BTRC: variants seen among roughly 807,000 people sequenced by gnomAD.
BTRC encodes the protein F-box/WD repeat-containing protein 1A.
In BTRC, 42 loss-of-function variants were observed where a neutral mutation model predicts 85.5. The ratio of observed to expected loss-of-function variants is 0.49; its 90% CI spans 0.38 to 0.64. The LOEUF is 0.64. BTRC is among the 30% of genes least tolerant of loss of function. The probability of loss-of-function intolerance (pLI) is 0.00; values close to 1 mark genes in which losing one functional copy is unlikely to be tolerated. For synonymous variants in BTRC, 255 were observed against 263.3 expected (o/e 0.97, Z 0.30); for missense variants, 594 against 743.5 (o/e 0.80, Z 2.34).
At chr10:101,362,212 C>T (rs1241168424) in intron 1 of BTRC, among the ~76,000 whole-genome samples, 2 of 152,104 alleles carry the variant, frequency 1.3e-5, no homozygotes, top group Admixed American at 6.6e-5. Flanking sequence ...CCGCCTTGGC[C>T]TCCCAAAGTG....
At chr10:101,370,361 G>C (rs1942597416) in intron 1 of BTRC, among the ~76,000 whole-genome samples, 1 of 151,966 alleles carries the variant, frequency 6.6e-6, no homozygotes, top group South Asian at 2.1e-4. Flanking sequence ...TGATCCTCTG[G>C]CCTCGGCCTC....
chr10:101,522,377 CAAAAAAAAAA>C (rs377683037), intron 5 of BTRC, among the ~76,000 whole-genome samples: 30 of 49,332 alleles, frequency 6.1e-4, no homozygotes, highest in African/African-American at 1.8e-3. Flanking sequence ...CAAAAAAAAA[CAAAAAAAAAA>C]AAACTCTAGA....
intron 2 of BTRC, chr10:101,453,683 A>G (rs1278324302): frequency 6.6e-6 from 1 of 152,216 alleles, no homozygotes; most frequent in African/African-American, 2.4e-5. Context: ...GATAACTGAA[A>G]ATAGTAAATA....
chr10:101,371,910 A>G (rs545928941), intron 1 of BTRC, among the ~76,000 whole-genome samples: 2 of 152,136 alleles, frequency 1.3e-5, no homozygotes, highest in Non-Finnish European at 2.9e-5. Context: ...CTCACACATG[A>G]GGCTGAAAAC....
intron 4 of BTRC, among the ~76,000 whole-genome samples, chr10:101,494,838 C>T (rs913830037): frequency 3.3e-5 from 5 of 152,198 alleles, no homozygotes; most frequent in African/African-American, 4.8e-5. Context: ...TACAGCATCA[C>T]ATCTAAATTA....
chr10:101,531,302 C>A lies in BTRC; in HGVS notation c.809C>A (p.Ala270Glu), dbSNP rs1211003916. 1 of 1,610,204 alleles carries A rather than the reference C, an allele frequency of 6.2e-7. No individual in the cohort carries two copies. Among genetic ancestry groups the A allele is most frequent in the Non-Finnish European group, 8.5e-7 (1 of 1,176,554 alleles). ...GCTCCTCCCAACTCTTTTTATAGAG[C>A]ACTTTATCCTAAAATTATACAAGAC... ...GNAPPNSFYRALYPKIIQDIE... is the reference protein window; with the variant it reads ...GNAPPNSFYRELYPKIIQDIE... The change falls in exon 7 of 15, where the codon GCA becomes GAA. Residue 270 changes from alanine (A) to glutamate (E), a missense_variant. By Grantham distance (107) the Ala-to-Glu change is moderately radical (BLOSUM62 -1). Around this residue, in one of 4 missense-constraint regions of BTRC, gnomAD observed 373 missense variants for 503.6 expected, o/e 0.74. Transcript: ENST00000370187.
chr10:101,513,374 G>C (rs1028398009), intron 4 of BTRC, among the ~76,000 whole-genome samples: 1 of 152,060 alleles, frequency 6.6e-6, no homozygotes, highest in African/African-American at 2.4e-5. Context: ...GGCAACTGGC[G>C]TAACAATCAA....
intron 3 of BTRC, among the ~76,000 whole-genome samples, chr10:101,464,998 T>C (rs1409616401): frequency 6.6e-6 from 1 of 152,158 alleles, no homozygotes; most frequent in East Asian, 1.9e-4. Context: ...ATTACCCCAT[T>C]GCTGATTTTT....
In BTRC at chr10:101,521,869, A is replaced by C. The variant is rs746388633; in HGVS notation, c.555A>C (p.Pro185=). Residue 185 remains proline, a splice_region_variant and synonymous_variant, in exon 5 of 15, where the codon CCA becomes CCC. Coordinates refer to ENST00000370187, the MANE Select transcript of BTRC (RefSeq NM_033637.4). ...MLQRDFITAL[P]ARGLDHIAEN... is the part of the protein sequence containing the mutation. The stretch of plus-strand genomic sequence containing the variant: ...AGAGAGATTTCATAACTGCTCTGCC[A>C]GGTATGTCTACAAGTGTTTGTAAAC... 6.2e-7 allele frequency: 1 copy of C among 1,601,950 alleles called. No individual in the cohort carries two copies. The highest frequency in any genetic ancestry group is 8.6e-7 in the Non-Finnish European group (1 of 1,168,966).
intron 1 of BTRC, among the ~76,000 whole-genome samples, chr10:101,404,223 G>T (rs1275475769): frequency 6.7e-6 from 1 of 149,720 alleles, no homozygotes; most frequent in Non-Finnish European, 1.5e-5. Flanking sequence ...GTAGAGACGG[G>T]GTTTCACCGT....
intron 1 of BTRC, among the ~76,000 whole-genome samples, chr10:101,429,708 A>C (rs1589456015): frequency 7.5e-6 from 1 of 133,614 alleles, no homozygotes; most frequent in Non-Finnish European, 1.6e-5. Flanking sequence ...CCCCCCACAG[A>C]CCCCAATCCA....
At chr10:101,546,253 G>A (rs1454347479) in intron 13 of BTRC, among the ~76,000 whole-genome samples, 1 of 152,106 alleles carries the variant, frequency 6.6e-6, no homozygotes, top group Non-Finnish European at 1.5e-5. Context: ...AAATTTACAA[G>A]AGTAGAAATC....
intron 9 of BTRC, among the ~76,000 whole-genome samples, chr10:101,534,320 A>T (rs766669865): frequency 2.0e-5 from 3 of 152,182 alleles, no homozygotes; most frequent in African/African-American, 7.2e-5. Context: ...GAGGGCTATC[A>T]TTGGAATGGG....
At chr10:101,385,545 A>G (rs751408849) in intron 1 of BTRC, among the ~76,000 whole-genome samples, 5 of 150,566 alleles carry the variant, frequency 3.3e-5, no homozygotes, top group Non-Finnish European at 5.9e-5. Flanking sequence ...AGAGTCTAGA[A>G]GGACCATCTA....
chr10:101,354,206 A>G lies in BTRC; in HGVS notation c.26A>G (p.Gln9Arg). ...ATGGACCCGGCCGAGGCGGTGCTGC[A>G]AGAGAAGGCACTCAAGTTTATGGTG... MDPAEAVL[Q>R]EKALKFMCSM... Residue 9 changes from glutamine to arginine, a missense_variant, in exon 1 of 15, where the codon CAA (glutamine) becomes CGA (arginine). By Grantham distance (43) the Gln-to-Arg change is conservative. Around this residue, in one of 4 missense-constraint regions of BTRC, gnomAD observed 163 missense variants for 180.5 expected, o/e 0.90. Transcript: ENST00000370187. 1 of 1,549,174 alleles carries G rather than the reference A, an allele frequency of 6.5e-7. No homozygotes were observed. The highest frequency in any genetic ancestry group is 8.7e-7 in the Non-Finnish European group (1 of 1,146,666).
rs1564730098 is a variant in BTRC, at chr10:101,366,889, T to TATATATATTA, written c.48+12670_48+12671insAATATATATT. ...ATATTAATATATATTTATATATATT[T>TATATATATTA]ATATATATTTATATATATTAATATA... is the stretch of plus-strand genomic sequence containing the variant. On this transcript the variant is annotated intron_variant, in intron 1 of 14. Coordinates refer to ENST00000370187, the MANE Select transcript of BTRC (RefSeq NM_033637.4). 4.4e-3 allele frequency among the ~76,000 whole-genome samples: 99 copies of TATATATATTA among 22,638 alleles called. 1 individual carries two copies. Among genetic ancestry groups the TATATATATTA allele is most frequent in the African/African-American group, 0.012 (93 of 8,038 alleles). 14.9% of individuals were successfully genotyped at this position (22,638 alleles called of 152,430 possible). A position where few individuals can be genotyped will look rare whatever the true frequency, so the allele number is the denominator to read the frequency against.
At chr10:101,524,999 G>A (rs570115149) in intron 5 of BTRC, among the ~76,000 whole-genome samples, 2 of 152,292 alleles carry the variant, frequency 1.3e-5, no homozygotes, top group South Asian at 4.1e-4. Context: ...TTGTGCCTAC[G>A]GGAGTGAGAG....
At chr10:101,491,556 G>A (rs1250882750) in intron 4 of BTRC, among the ~76,000 whole-genome samples, 1 of 152,012 alleles carries the variant, frequency 6.6e-6, no homozygotes, top group Non-Finnish European at 1.5e-5. Flanking sequence ...AATTAGCTGG[G>A]TGTGGTGGCA....
chr10:101,502,138 T>G (rs943117316), intron 4 of BTRC, among the ~76,000 whole-genome samples: 1 of 152,170 alleles, frequency 6.6e-6, no homozygotes, highest in Admixed American at 6.5e-5. Context: ...AGCCAGAATT[T>G]TAGTCTGGTT....
Sources: allele counts gnomAD v4.1 joint callset (sites outside exome capture counted in the v4.1 genomes callset), GRCh38; gene constraint gnomAD v4.1.1; regional missense constraint gnomAD v4.1.1; transcripts MANE v1.5; gene names NCBI Gene and HGNC (gene_info 2026-07-23, HGNC 2026-07-21).